Variants in ZC3H13 observed in about 807,000 individuals in gnomAD.
ZC3H13 encodes zinc finger CCCH-type containing 13.
Under a neutral mutation model 204.1 loss-of-function variants are expected in ZC3H13, and 64 were observed. The ratio of observed to expected loss-of-function variants is 0.31; its 90% CI spans 0.26 to 0.39. ZC3H13 has a LOEUF of 0.39. ZC3H13 is among the 10% of genes least tolerant of loss of function. The pLI, the probability that ZC3H13 is intolerant of heterozygous loss-of-function variation, is 1.00. For synonymous variants in ZC3H13, 667 were observed against 693.7 expected, an observed-to-expected ratio of 0.96 and a Z score of 0.60; for missense variants, 1,833 against 2,082.7, an observed-to-expected ratio of 0.88 and a Z score of 2.33.
intron 17 of ZC3H13, among the ~76,000 whole-genome samples, chr13:45,961,626 G>A (rs1047073925): frequency 2.7e-4 from 41 of 150,722 alleles, no homozygotes; most frequent in African/African-American, 7.3e-4. Context: ...AAAAAAGAAC[G>A]AATAAGACTT....
intron 8 of ZC3H13, among the ~76,000 whole-genome samples, chr13:45,992,907 G>A (rs920139083): frequency 1.3e-5 from 2 of 152,084 alleles, no homozygotes; most frequent in African/African-American, 2.4e-5. Context: ...TACCTCTCAC[G>A]CTTCTGAATT....
At chr13:46,039,598 T>C (rs2043435366) in intron 4 of ZC3H13, among the ~76,000 whole-genome samples, 1 of 152,180 alleles carries the variant, frequency 6.6e-6, no homozygotes, top group Non-Finnish European at 1.5e-5. Flanking sequence ...ATTCATCTAG[T>C]AGTATGCTAG....
intron 4 of ZC3H13, among the ~76,000 whole-genome samples, chr13:46,026,519 T>C (rs1180085312): frequency 6.6e-6 from 1 of 152,064 alleles, no homozygotes; most frequent in Non-Finnish European, 1.5e-5. Context: ...CACCTTTTTT[T>C]TAAAGCATGG....
chr13:45,979,861 A>T lies in ZC3H13; in HGVS notation c.1864T>A (p.Phe622Ile), dbSNP rs1412964535. The T allele has an allele frequency of 6.2e-7, 1 of 1,604,296 alleles. No homozygotes were observed. Among genetic ancestry groups the T allele is most frequent in the Non-Finnish European group, 8.5e-7 (1 of 1,175,808 alleles). The stretch of plus-strand genomic sequence containing the variant: ...TCTCGCTCTCCATGTCTTCTCTCAA[A>T]GGAAGAATCCCTTGCTTGATCTCTG... Reference protein sequence around the residue: ...DNRDQARDSSFERRHGERDRR... With the variant: ...DNRDQARDSSIERRHGERDRR... The change falls in exon 11 of 19, where the codon TTT becomes ATT. Residue 622 changes from phenylalanine to isoleucine, a missense_variant. Coordinates refer to ENST00000679008, the MANE Select transcript of ZC3H13 (RefSeq NM_001330564.2).
In ZC3H13 at chr13:46,003,156, T is replaced by C; in HGVS notation, c.927A>G (p.Glu309=). The part of the protein sequence containing the change: ...DRGRDFERQR[E]KRDKPRSTSP... ...CTACTTACCTTGGCTTGTCTCTCTT[T>C]TCTCTTTGTCGTTCAAAATCTCGTC... is the stretch of plus-strand genomic sequence containing the variant. The change falls in exon 8 of 19, where the codon GAA becomes GAG. Residue 309 remains glutamate (E), a synonymous_variant. Coordinates refer to ENST00000679008, the MANE Select transcript of ZC3H13 (RefSeq NM_001330564.2). 2 of 1,611,410 alleles carry C rather than the reference T, an allele frequency of 1.2e-6. No homozygotes were observed. Among genetic ancestry groups the C allele is most frequent in the Non-Finnish European group, 1.7e-6 (2 of 1,179,708 alleles).
intron 4 of ZC3H13, among the ~76,000 whole-genome samples, chr13:46,030,261 C>A (rs567035935): frequency 6.6e-6 from 1 of 152,190 alleles, no homozygotes; most frequent in African/African-American, 2.4e-5. Context: ...AAAAACCCTA[C>A]GGCTAACGTC....
chr13:46,034,266 A>G (rs978906308), intron 4 of ZC3H13, among the ~76,000 whole-genome samples: 2 of 152,184 alleles, frequency 1.3e-5, no homozygotes, highest in Non-Finnish European at 2.9e-5. Context: ...AAAAATATAC[A>G]TAAGACACAG....
chr13:45,972,991 T>C (rs999168492), intron 12 of ZC3H13, among the ~76,000 whole-genome samples: 8 of 152,294 alleles, frequency 5.3e-5, no homozygotes, highest in East Asian at 1.9e-4. Flanking sequence ...CCCAGCTGCA[T>C]TGTCAGATGT....
chr13:46,033,401 T>C (rs1397862014), intron 4 of ZC3H13, among the ~76,000 whole-genome samples: 2 of 152,124 alleles, frequency 1.3e-5, no homozygotes, highest in Non-Finnish European at 2.9e-5. Flanking sequence ...ATAACACTAT[T>C]AGCAATAATA....
intron 10 of ZC3H13, among the ~76,000 whole-genome samples, chr13:45,983,577 C>A (rs1251590181): frequency 6.7e-6 from 1 of 149,264 alleles, no homozygotes; most frequent in African/African-American, 2.5e-5. Flanking sequence ...CAGGCGCCCA[C>A]CACCACGCCC....
rs753721634 is a variant in ZC3H13 at position 46,011,421 on chromosome 13, T to C, written c.582A>G (p.Lys194=). The part of the protein sequence containing the change: ...NMEKREEIII[K]KEVSPEVVRS... ...ATTGCAATAAATAGCATACCTCCTT[T>C]TTAATGATAATTTCTTCTCTCTTCT... The change falls in exon 6 of 19, where the codon AAA becomes AAG. Residue 194 remains lysine (K), a synonymous_variant. Transcript: ENST00000679008. 10 of 1,605,998 alleles carry C rather than the reference T, an allele frequency of 6.2e-6. No individual in the cohort carries two copies. The East Asian group carries it at 1.1e-4, about 18-fold the overall frequency.
intron 4 of ZC3H13, among the ~76,000 whole-genome samples, chr13:46,027,449 C>T (rs1166222269): frequency 6.6e-6 from 1 of 152,158 alleles, no homozygotes; most frequent in African/African-American, 2.4e-5. Flanking sequence ...TCTATGCAAA[C>T]AAGTTTGAAA....
intron 9 of ZC3H13, among the ~76,000 whole-genome samples, chr13:45,986,547 AG>A: frequency 6.6e-6 from 1 of 152,264 alleles, no homozygotes; most frequent in East Asian, 1.9e-4. Context: ...ATAAAGAAAT[AG>A]AGGCCCAAAA....
intron 13 of ZC3H13, 113 bp from the exon 14 acceptor site, chr13:45,970,084 C>T (rs945121974): frequency 2.4e-5 from 32 of 1,332,316 alleles, no homozygotes; most frequent in Middle Eastern, 2.2e-4. Context: ...TTTGGGAGGC[C>T]GAGGCAGGTG....
At chr13:45,978,232 G>T (rs536313712) in intron 11 of ZC3H13, among the ~76,000 whole-genome samples, 22 of 152,070 alleles carry the variant, frequency 1.4e-4, no homozygotes, top group African/African-American at 4.8e-4. Flanking sequence ...TTTGGGTGGG[G>T]AGTTCTTCCC....
At chr13:45,996,319 T>C (rs1403896954) in intron 8 of ZC3H13, among the ~76,000 whole-genome samples, 1 of 152,162 alleles carries the variant, frequency 6.6e-6, no homozygotes, top group Admixed American at 6.5e-5. Flanking sequence ...CCTTCAAAAA[T>C]TATCTTTCTG....
chr13:45,967,446 T>A, intron 15 of ZC3H13, 58 bp downstream of exon 15: 1 of 1,480,020 alleles, frequency 6.8e-7, no homozygotes, highest in Non-Finnish European at 8.9e-7. Flanking sequence ...AATAGTTGTT[T>A]CCCACGAAAT....
intron 7 of ZC3H13, among the ~76,000 whole-genome samples, chr13:46,005,615 G>A (rs551252014): frequency 1.3e-5 from 2 of 152,128 alleles, no homozygotes; most frequent in South Asian, 4.2e-4. Context: ...TCAGCCCTCT[G>A]AGTAGCTAGG....
chr13:45,982,141 C>G (rs1953694287), intron 10 of ZC3H13, among the ~76,000 whole-genome samples: 1 of 151,602 alleles, frequency 6.6e-6, no homozygotes, highest in African/African-American at 2.4e-5. Flanking sequence ...AAAAAACAAA[C>G]AAAAACACAA....
Sources: gnomAD v4.1 joint callset for allele counts (sites outside exome capture counted in the v4.1 genomes callset) on GRCh38, gnomAD v4.1.1 for gene constraint, MANE v1.5 for transcripts, NCBI Gene and HGNC (gene_info 2026-07-23, HGNC 2026-07-21) for gene names.